Variants in CHN1 observed in about 807,000 individuals in gnomAD.
CHN1 encodes the protein N-chimaerin.
Under a neutral mutation model 59.5 loss-of-function variants are expected in CHN1, and 37 were observed. The observed-to-expected ratio is 0.62, with a 90% confidence interval of 0.48 to 0.82. The LOEUF (loss-of-function observed/expected upper bound fraction) is 0.82. Ranked by LOEUF, CHN1 falls within the 40% of genes least tolerant of loss-of-function variation. The pLI is 0.00. For missense variants in CHN1, 469 were observed against 571.0 expected (o/e 0.82, Z 1.82); for synonymous variants, 206 against 200.4 (o/e 1.03, Z -0.24).
chr2:174,827,997 A>G (rs1370831589), intron 7 of CHN1, among the ~76,000 whole-genome samples: 1 of 152,210 alleles, frequency 6.6e-6, no homozygotes, highest in Admixed American at 6.5e-5. Context: ...TGGAGACAGA[A>G]TCCAGGGCAG....
chr2:174,887,787 A>C (rs1364116700), intron 5 of CHN1, among the ~76,000 whole-genome samples: 3 of 152,216 alleles, frequency 2.0e-5, no homozygotes, highest in African/African-American at 4.8e-5. Context: ...GGAATGAAAA[A>C]TAGATTTCTG....
At chr2:174,892,632 G>A (rs1427870549) in intron 5 of CHN1, among the ~76,000 whole-genome samples, 2 of 152,274 alleles carry the variant, frequency 1.3e-5, no homozygotes, top group African/African-American at 2.4e-5. Context: ...TAGCATTACT[G>A]TGATACCAAA....
chr2:174,893,103 C>G (rs1200566951), intron 5 of CHN1, among the ~76,000 whole-genome samples: 1 of 152,156 alleles, frequency 6.6e-6, no homozygotes, highest in African/African-American at 2.4e-5. Flanking sequence ...CAACCTAGTA[C>G]TGGAAGTTCT....
At chr2:174,811,343 ATACT>A in intron 10 of CHN1, 164 bp downstream of exon 10, 1 of 535,554 alleles carries the variant, frequency 1.9e-6, no homozygotes, top group Non-Finnish European at 3.3e-6. Flanking sequence ...TGACTGTTTA[ATACT>A]TACAACTCAG....
intron 5 of CHN1, among the ~76,000 whole-genome samples, chr2:174,889,878 AAT>A (rs747659002): frequency 4.6e-5 from 7 of 150,604 alleles, no homozygotes; most frequent in Admixed American, 1.3e-4. Flanking sequence ...AGAATAAATA[AAT>A]ATGTGTGTGT....
At chr2:174,915,686 C>T (rs746560009) in intron 4 of CHN1, among the ~76,000 whole-genome samples, 23 of 152,234 alleles carry the variant, frequency 1.5e-4, no homozygotes, top group Non-Finnish European at 2.5e-4. Flanking sequence ...CACTCAAGTC[C>T]AAAGCAAACA....
chr2:174,861,405 C>T (rs995029706), intron 6 of CHN1, among the ~76,000 whole-genome samples: 1 of 152,126 alleles, frequency 6.6e-6, no homozygotes, highest in Non-Finnish European at 1.5e-5. Context: ...AAAGTAGATG[C>T]TAAATAAATG....
rs184740768 is a variant in CHN1 at position 174,815,281 on chromosome 2, G to A, written c.713-2799C>T. 2.6e-4 allele frequency among the ~76,000 whole-genome samples: 40 copies of A among 152,204 alleles called. No homozygotes were observed. In the East Asian group the frequency reaches 7.3e-3, roughly 28 times the overall value. ...AGTTCCAGCTACTCAGCGGGCTTGT[G>A]GTGGGAGGATTGCCTGAGCCCAGGT... On this transcript the variant is annotated intron_variant, in intron 8 of 12. Coordinates refer to ENST00000409900, the MANE Select transcript of CHN1 (RefSeq NM_001822.7).
chr2:174,874,399 T>C (rs1389358998), intron 6 of CHN1, among the ~76,000 whole-genome samples: 2 of 152,214 alleles, frequency 1.3e-5, no homozygotes, highest in Non-Finnish European at 2.9e-5. Flanking sequence ...ATTTCAGTGT[T>C]TTCCAATTGA....
intron 6 of CHN1, among the ~76,000 whole-genome samples, chr2:174,857,587 G>C (rs1686944119): frequency 6.6e-6 from 1 of 151,998 alleles, no homozygotes; most frequent in Admixed American, 6.6e-5. Context: ...CTAATGTTTG[G>C]TTACCAGGAA....
intron 9 of CHN1, 90 bp downstream of exon 9, chr2:174,812,219 C>T (rs1352038322): frequency 5.7e-6 from 6 of 1,047,278 alleles, no homozygotes; most frequent in Non-Finnish European, 8.0e-6. Context: ...CAGAAGACAA[C>T]CGTATTGTGC....
intron 6 of CHN1, among the ~76,000 whole-genome samples, chr2:174,866,847 A>T (rs1185655496): frequency 6.6e-6 from 1 of 152,184 alleles, no homozygotes; most frequent in African/African-American, 2.4e-5. Context: ...AAAGATACAG[A>T]CTATTCCAAG....
intron 5 of CHN1, among the ~76,000 whole-genome samples, chr2:174,893,460 T>C (rs1308066313): frequency 6.6e-6 from 1 of 152,116 alleles, no homozygotes; most frequent in Non-Finnish European, 1.5e-5. Context: ...CTGAAAGAAA[T>C]TGAAGAAGAC....
intron 3 of CHN1, among the ~76,000 whole-genome samples, chr2:174,939,328 T>A (rs79007514): frequency 6.6e-6 from 1 of 152,194 alleles, no homozygotes; most frequent in African/African-American, 2.4e-5. Context: ...ACCAAATGAA[T>A]TTTTTTAAAA....
At chr2:174,847,694 T>TTAC (rs1342342036) in intron 6 of CHN1, 11 of 1,268,538 alleles carry the variant, frequency 8.7e-6, no homozygotes, top group Non-Finnish European at 1.2e-5. Context: ...GCAACAGTAT[T>TTAC]TAAGTACTGT....
intron 6 of CHN1, among the ~76,000 whole-genome samples, chr2:174,855,057 C>T (rs183232230): frequency 1.3e-5 from 2 of 152,150 alleles, no homozygotes; most frequent in Non-Finnish European, 2.9e-5. Context: ...TACAAATGAC[C>T]AATTATACTC....
At chr2:174,822,920 C>T (rs1018241447) in intron 8 of CHN1, among the ~76,000 whole-genome samples, 4 of 152,220 alleles carry the variant, frequency 2.6e-5, no homozygotes, top group Non-Finnish European at 5.9e-5. Context: ...GGATTCTTAT[C>T]CCACTTCCTG....
intron 5 of CHN1, among the ~76,000 whole-genome samples, chr2:174,882,425 A>G (rs928002525): frequency 2.0e-5 from 3 of 152,232 alleles, no homozygotes; most frequent in Admixed American, 2.0e-4. Flanking sequence ...TCTATTTTTC[A>G]GCAAATAAAT....
intron 1 of CHN1, among the ~76,000 whole-genome samples, chr2:174,989,587 C>T (rs1199029357): frequency 3.3e-5 from 5 of 151,616 alleles, no homozygotes; most frequent in African/African-American, 9.7e-5. Flanking sequence ...CCCAGAACTT[C>T]GAGACCAGCC....
Sources: allele counts gnomAD v4.1 joint callset (sites outside exome capture counted in the v4.1 genomes callset), GRCh38; gene constraint gnomAD v4.1.1; transcripts MANE v1.5; gene names NCBI Gene and HGNC (gene_info 2026-07-23, HGNC 2026-07-21).